Variants in PLCL1 observed in about 807,000 individuals in gnomAD.
PLCL1 encodes inactive phospholipase C-like protein 1.
In PLCL1, 41 loss-of-function variants were observed where a neutral mutation model predicts 84.4. The observed-to-expected ratio is 0.49, with a 90% CI of 0.38 to 0.63. The LOEUF (loss-of-function observed/expected upper bound fraction) is 0.63, where lower values mean the gene tolerates loss of function less well. PLCL1 is among the 30% of genes least tolerant of loss of function. PLCL1 has a pLI of 0.00. For synonymous variants in PLCL1, 490 were observed against 488.3 expected (o/e 1.00, Z -0.05); for missense variants, 1,206 against 1,367.8 (o/e 0.88, Z 1.87).
At chr2:197,924,373 G>A (rs184687603) in intron 1 of PLCL1, among the ~76,000 whole-genome samples, 61 of 152,130 alleles carry the variant, frequency 4.0e-4, no homozygotes, top group Non-Finnish European at 7.1e-4. Flanking sequence ...CATCTTTTCA[G>A]GTGAACCCTC....
At chr2:198,088,692 A>G (rs1324546685) in intron 2 of PLCL1, among the ~76,000 whole-genome samples, 166 bp from the exon 3 acceptor site, 3 of 152,170 alleles carry the variant, frequency 2.0e-5, no homozygotes, top group Non-Finnish European at 4.4e-5. Flanking sequence ...CTTTGCTTTC[A>G]TGGGTTGTTT....
At chr2:197,810,381 T>C in intron 1 of PLCL1, 1 of 599,452 alleles carries the variant, frequency 1.7e-6, no homozygotes, top group South Asian at 1.6e-5. Flanking sequence ...GATTAGTGTT[T>C]GCTACTATTA....
intron 1 of PLCL1, among the ~76,000 whole-genome samples, chr2:197,982,205 A>G (rs560745935): frequency 6.7e-6 from 1 of 149,652 alleles, no homozygotes; most frequent in African/African-American, 2.4e-5. Context: ...GAATTTATGT[A>G]TATATATATG....
At chr2:198,114,148 A>G (rs554784368) in intron 5 of PLCL1, among the ~76,000 whole-genome samples, 12 of 152,038 alleles carry the variant, frequency 7.9e-5, no homozygotes, top group African/African-American at 2.6e-4. Context: ...ATCCAACAAT[A>G]TAGGACAGTT....
At chr2:197,927,548 A>G (rs1165670118) in intron 1 of PLCL1, among the ~76,000 whole-genome samples, 2 of 152,250 alleles carry the variant, frequency 1.3e-5, no homozygotes, top group Non-Finnish European at 2.9e-5. Flanking sequence ...TAGCATTGTA[A>G]TGAACAAAAT....
Position 198,084,838 on chromosome 2 carries a change from A to G in PLCL1, c.1321A>G (p.Ser441Gly). 6.2e-7 allele frequency: 1 copy of G among 1,614,052 alleles called. No individual in the cohort carries two copies. The highest frequency in any genetic ancestry group is 8.5e-7 in the Non-Finnish European group (1 of 1,179,960). The change falls in exon 2 of 6, where the codon AGC becomes GGC. Residue 441 changes from serine (S) to glycine (G), a missense_variant. Physicochemically the swap from Ser to Gly is moderately conservative, Grantham distance 56. Transcript: ENST00000428675. Reference protein sequence around the residue: ...YIRALKMGCRSVELDVSDGSD... With the variant: ...YIRALKMGCRGVELDVSDGSD... ...TAGAGCTTTGAAAATGGGCTGTCGA[A>G]GCGTTGAACTCGATGTAAGTGATGG...
At chr2:197,824,588 C>A (rs1240312529) in intron 1 of PLCL1, among the ~76,000 whole-genome samples, 1 of 151,738 alleles carries the variant, frequency 6.6e-6, no homozygotes, top group Non-Finnish European at 1.5e-5. Context: ...GTGGTGCATG[C>A]CTATAGCTCC....
At chr2:197,842,183 C>T (rs193289453) in intron 1 of PLCL1, among the ~76,000 whole-genome samples, 1 of 152,142 alleles carries the variant, frequency 6.6e-6, no homozygotes, top group African/African-American at 2.4e-5. Flanking sequence ...TAACCATAGC[C>T]TACCTGCCCC....
chr2:197,871,747 G>A (rs578245826), intron 1 of PLCL1, among the ~76,000 whole-genome samples: 1 of 152,040 alleles, frequency 6.6e-6, no homozygotes, highest in Non-Finnish European at 1.5e-5. Context: ...ATTAAGTTAG[G>A]TGCACTCCTT....
At chr2:197,904,054 C>T (rs1688327783) in intron 1 of PLCL1, among the ~76,000 whole-genome samples, 1 of 152,090 alleles carries the variant, frequency 6.6e-6, no homozygotes, top group Non-Finnish European at 1.5e-5. Flanking sequence ...CTGCCCACCT[C>T]GGCCTCCCAA....
intron 3 of PLCL1, among the ~76,000 whole-genome samples, chr2:198,096,013 G>T (rs538152080): frequency 1.3e-5 from 2 of 152,298 alleles, no homozygotes; most frequent in East Asian, 1.9e-4. Context: ...ATGCCATTTT[G>T]TATATGTCTT....
At chr2:197,846,752 T>C (rs912715564) in intron 1 of PLCL1, among the ~76,000 whole-genome samples, 2 of 152,104 alleles carry the variant, frequency 1.3e-5, no homozygotes, top group Non-Finnish European at 2.9e-5. Context: ...AGTGCAAATA[T>C]TTAGGGTAGG....
chr2:198,005,732 G>T lies in PLCL1; in HGVS notation c.241-78026G>T, dbSNP rs553036815. Among the ~76,000 whole-genome samples the T allele has an allele frequency of 4.6e-5, 7 of 152,354 alleles. No individual in the cohort carries two copies. In the East Asian group the frequency reaches 1.4e-3, roughly 29 times the overall value. The stretch of plus-strand genomic sequence containing the variant: ...GTTAACTGGGCAGAGGCAAAGGGTT[G>T]CAGGCAACTCGCCTGAGGTGGAGAG... On this transcript the variant is annotated intron_variant, in intron 1 of 5. Transcript: ENST00000428675.
intron 5 of PLCL1, among the ~76,000 whole-genome samples, chr2:198,121,905 A>G (rs1462505858): frequency 2.0e-5 from 3 of 152,010 alleles, no homozygotes; most frequent in African/African-American, 7.2e-5. Context: ...TCTTTTGACT[A>G]TCAGGCAACT....
chr2:197,909,446 G>A (rs1487445196), intron 1 of PLCL1, among the ~76,000 whole-genome samples: 4 of 151,962 alleles, frequency 2.6e-5, no homozygotes, highest in Non-Finnish European at 4.4e-5. Context: ...ACCTCCCCTA[G>A]GTGTTCTCGG....
intron 1 of PLCL1, among the ~76,000 whole-genome samples, chr2:198,028,152 A>G (rs949866535): frequency 1.3e-5 from 2 of 152,158 alleles, no homozygotes; most frequent in South Asian, 2.1e-4. Flanking sequence ...GGAACTTTGA[A>G]TCATTTTTAC....
chr2:198,060,210 C>T (rs1423950052), intron 1 of PLCL1, among the ~76,000 whole-genome samples: 1 of 152,194 alleles, frequency 6.6e-6, no homozygotes. Context: ...GATAGTCTGT[C>T]CATTCATTTC....
chr2:197,875,644 C>T (rs989264486), intron 1 of PLCL1, among the ~76,000 whole-genome samples: 6 of 151,736 alleles, frequency 4.0e-5, no homozygotes, highest in African/African-American at 1.5e-4. Context: ...TCTTTGCTCC[C>T]GACATAACAC....
At chr2:198,092,966 C>T (rs1693085241) in intron 3 of PLCL1, among the ~76,000 whole-genome samples, 1 of 152,140 alleles carries the variant, frequency 6.6e-6, no homozygotes, top group Non-Finnish European at 1.5e-5. Context: ...TAGTTTCCAT[C>T]CTATAACTGA....
Sources: gnomAD v4.1 joint callset for allele counts (sites outside exome capture counted in the v4.1 genomes callset) on GRCh38, gnomAD v4.1.1 for gene constraint, MANE v1.5 for transcripts, NCBI Gene and HGNC (gene_info 2026-07-23, HGNC 2026-07-21) for gene names.